The following SLC7A6 variants were observed in gnomAD, a reference collection of about 807,000 sequenced individuals.
The protein encoded by SLC7A6 is Y+L amino acid transporter 2.
SLC7A6 carries 29 observed loss-of-function variants against 46.6 expected under a neutral mutation model. The ratio of observed to expected loss-of-function variants is 0.62; its 90% CI spans 0.46 to 0.85. The LOEUF (loss-of-function observed/expected upper bound fraction) is 0.85. Ranked by LOEUF, SLC7A6 falls within the 40% of genes least tolerant of loss-of-function variation. SLC7A6 has a pLI of 0.00. For synonymous variants in SLC7A6, 276 were observed against 257.3 expected, an observed-to-expected ratio of 1.07 and a Z score of -0.70; for missense variants, 527 against 647.6, an observed-to-expected ratio of 0.81 and a Z score of 2.02.
At chr16:68,278,646 C>T (rs2042764204) in intron 3 of SLC7A6, among the ~76,000 whole-genome samples, 1 of 152,170 alleles carries the variant, frequency 6.6e-6, no homozygotes, top group Admixed American at 6.5e-5. Flanking sequence ...CATAGATCAA[C>T]AGCATCCCAA....
At chr16:68,268,265 G>A (rs917593633) in intron 2 of SLC7A6, among the ~76,000 whole-genome samples, 32 of 152,310 alleles carry the variant, frequency 2.1e-4, no homozygotes, top group Non-Finnish European at 2.4e-4. Context: ...CTTCTGCTGT[G>A]GGATCTGATG....
intron 1 of SLC7A6, 129 bp from the exon 2 acceptor site, chr16:68,266,464 C>A (rs1410428457): frequency 6.6e-6 from 1 of 152,090 alleles, no homozygotes; most frequent in Non-Finnish European, 1.5e-5. Flanking sequence ...TTAGATTTTA[C>A]AAGGAAATAT....
chr16:68,267,652 C>T (rs1024233054), intron 2 of SLC7A6, among the ~76,000 whole-genome samples: 1 of 152,108 alleles, frequency 6.6e-6, no homozygotes, highest in African/African-American at 2.4e-5. Context: ...GTCTTCAGCC[C>T]GTTTCCTAGC....
At chr16:68,282,967 G>A (rs1473079469) in intron 3 of SLC7A6, among the ~76,000 whole-genome samples, 2 of 152,070 alleles carry the variant, frequency 1.3e-5, no homozygotes, top group Non-Finnish European at 2.9e-5. Flanking sequence ...GCACTCCTTT[G>A]TCCTTGAATG....
intron 3 of SLC7A6, chr16:68,284,697 T>A: frequency 2.4e-5 from 23 of 975,912 alleles, no homozygotes; most frequent in Non-Finnish European, 2.8e-5. Context: ...CCCTTGGAGC[T>A]GCAAACCAGA....
chr16:68,287,894 C>T (rs905322368), intron 4 of SLC7A6, 23 bp downstream of exon 4: 1 of 1,609,786 alleles, frequency 6.2e-7, no homozygotes. Context: ...AAGGGGGGTA[C>T]CACCAACAGT....
intron 8 of SLC7A6, among the ~76,000 whole-genome samples, chr16:68,295,538 C>G (rs1293194281): frequency 6.6e-6 from 1 of 152,238 alleles, no homozygotes; most frequent in East Asian, 1.9e-4. Context: ...TGAGCTGCCA[C>G]TTCAGTCTCC....
At chr16:68,287,383 A>G (rs1763946495) in intron 3 of SLC7A6, 2 of 1,298,638 alleles carry the variant, frequency 1.5e-6, no homozygotes, top group South Asian at 2.5e-5. Flanking sequence ...TTGGCCATGA[A>G]GAGGTCTTGT....
At chr16:68,287,708 A>G in intron 3 of SLC7A6, 38 bp from the exon 4 acceptor site, 3 of 1,605,096 alleles carry the variant, frequency 1.9e-6, no homozygotes, top group South Asian at 2.2e-5. Flanking sequence ...TGTGCCCTCA[A>G]CTCAAGCCTG....
At chr16:68,265,322 T>G (rs932997579) in intron 1 of SLC7A6, among the ~76,000 whole-genome samples, 3 of 152,168 alleles carry the variant, frequency 2.0e-5, no homozygotes, top group Non-Finnish European at 4.4e-5. Flanking sequence ...ACGTGAAACA[T>G]TCTGAAAATT....
chr16:68,284,197 G>A (rs1487488260), intron 3 of SLC7A6: 2 of 152,258 alleles, frequency 1.3e-5, no homozygotes, highest in African/African-American at 4.8e-5. Flanking sequence ...GCCTTCTGGT[G>A]CTACATTGTT....
intron 7 of SLC7A6, chr16:68,292,466 G>C (rs1288280926): frequency 6.6e-6 from 1 of 152,202 alleles, no homozygotes; most frequent in African/African-American, 2.4e-5. Context: ...ACTTAGGAGA[G>C]ACACAAAATA....
In SLC7A6 at chr16:68,274,759, C is replaced by T. The variant is rs369491681; in HGVS notation, c.33C>T (p.Pro11=). Residue 11 remains proline, a synonymous_variant, in exon 3 of 11, where the codon CCC becomes CCT. Coordinates refer to ENST00000219343, the MANE Select transcript of SLC7A6 (RefSeq NM_003983.6). ...CCAGGGAGCCTGGGAGGCCCACACC[C>T]ACCTACCATCTTGTCCCTAACACCA... MEAREPGRPT[P]TYHLVPNTSQ... 1.2e-6 allele frequency: 2 copies of T among 1,614,102 alleles called. No individual in the cohort carries two copies. Among genetic ancestry groups the T allele is most frequent in the African/African-American group, 1.3e-5 (1 of 74,936 alleles).
At chr16:68,287,260 G>C in intron 3 of SLC7A6, 1 of 1,200,158 alleles carries the variant, frequency 8.3e-7, no homozygotes. Flanking sequence ...TTACAGGTGT[G>C]AGCCACTGCA....
Position 68,296,436 on chromosome 16 carries a change from T to C in SLC7A6, c.1192T>C (p.Trp398Arg). Reference sequence around the variant, plus strand: ...TATCAACTACTTCAGCTTCAGCTACTGGTTCTTCGTGGGCCTGTCTGTTGT... The same window carrying C: ...TATCAACTACTTCAGCTTCAGCTACCGGTTCTTCGTGGGCCTGTCTGTTGT... Reference protein sequence around the residue: ...QLINYFSFSYWFFVGLSVVGQ... With the variant: ...QLINYFSFSYRFFVGLSVVGQ... The change falls in exon 9 of 11, where the codon TGG becomes CGG. Residue 398 changes from tryptophan (W) to arginine (R), a missense_variant. Transcript: ENST00000219343. 1 of 1,614,158 alleles carries C rather than the reference T, an allele frequency of 6.2e-7. No homozygotes were observed. The highest frequency in any genetic ancestry group is 8.5e-7 in the Non-Finnish European group (1 of 1,180,032).
chr16:68,275,345 C>A (rs2042691835), intron 3 of SLC7A6, 96 bp downstream of exon 3: 4 of 1,476,938 alleles, frequency 2.7e-6, no homozygotes, highest in Admixed American at 1.9e-5. Context: ...CCTATAATCC[C>A]AGCACTTTGG....
At chr16:68,277,327 T>TATTTATTTATTTATTTA (rs1160266366) in intron 3 of SLC7A6, among the ~76,000 whole-genome samples, 1 of 148,836 alleles carries the variant, frequency 6.7e-6, no homozygotes, top group Non-Finnish European at 1.5e-5. Context: ...TTTATTTATT[T>TATTTATTTATTTATTTA]ATTTATTTAT....
At chr16:68,278,511 ACTCTTAACGAGCATG>A (rs2042760509) in intron 3 of SLC7A6, among the ~76,000 whole-genome samples, 1 of 148,604 alleles carries the variant, frequency 6.7e-6, no homozygotes, top group Non-Finnish European at 1.5e-5. Flanking sequence ...AGTGGTGATG[ACTCTTAACGAGCATG>A]CTGCCTTCAA....
intron 3 of SLC7A6, among the ~76,000 whole-genome samples, chr16:68,277,124 T>C (rs907241007): frequency 6.6e-6 from 1 of 151,824 alleles, no homozygotes; most frequent in Non-Finnish European, 1.5e-5. Context: ...TCTTGCTCTG[T>C]CACCCAGGCT....
Sources: gnomAD v4.1 joint callset for allele counts (sites outside exome capture counted in the v4.1 genomes callset) on GRCh38, gnomAD v4.1.1 for gene constraint, MANE v1.5 for transcripts, NCBI Gene and HGNC (gene_info 2026-07-23, HGNC 2026-07-21) for gene names.